TBC1D12: variants seen among roughly 807,000 people sequenced by gnomAD.
TBC1D12 encodes the protein TBC1 domain family, member 12.
Under a neutral mutation model 86.7 loss-of-function variants are expected in TBC1D12, and 56 were observed. The ratio of observed to expected loss-of-function variants is 0.65; its 90% CI spans 0.52 to 0.81. The LOEUF (loss-of-function observed/expected upper bound fraction) is 0.81. TBC1D12 is among the 30% of genes least tolerant of loss of function. The probability of loss-of-function intolerance (pLI) is 0.00; values close to 1 mark genes in which losing one functional copy is unlikely to be tolerated. For synonymous variants in TBC1D12, 421 were observed against 411.7 expected (o/e 1.02, Z -0.27); for missense variants, 1,023 against 1,038.8 (o/e 0.98, Z 0.21).
intron 2 of TBC1D12, among the ~76,000 whole-genome samples, chr10:94,444,714 A>G (rs896101735): frequency 6.6e-6 from 1 of 151,564 alleles, no homozygotes; most frequent in Non-Finnish European, 1.5e-5. Flanking sequence ...CATTTCGGAA[A>G]GCCAAGACCT....
chr10:94,457,949 G>A (rs1356774696), intron 2 of TBC1D12, among the ~76,000 whole-genome samples: 1 of 151,986 alleles, frequency 6.6e-6, no homozygotes, highest in African/African-American at 2.4e-5. Flanking sequence ...AATTCCTTCT[G>A]CCCATCCCTT....
chr10:94,449,469 A>G (rs950693777), intron 2 of TBC1D12, among the ~76,000 whole-genome samples: 1 of 152,156 alleles, frequency 6.6e-6, no homozygotes, highest in African/African-American at 2.4e-5. Flanking sequence ...AAGACATCAT[A>G]ATCAGCTAAA....
intron 11 of TBC1D12, among the ~76,000 whole-genome samples, chr10:94,526,287 T>C (rs986797111): frequency 6.6e-6 from 1 of 152,022 alleles, no homozygotes; most frequent in Non-Finnish European, 1.5e-5. Flanking sequence ...AAAAATTAGC[T>C]GTATGGTACA....
At chr10:94,419,195 A>G (rs1310301407) in intron 1 of TBC1D12, among the ~76,000 whole-genome samples, 1 of 152,140 alleles carries the variant, frequency 6.6e-6, no homozygotes, top group East Asian at 1.9e-4. Flanking sequence ...TTTTGATAGC[A>G]AACACATACA....
intron 2 of TBC1D12, among the ~76,000 whole-genome samples, chr10:94,454,171 T>C (rs1008183411): frequency 1.3e-5 from 2 of 152,184 alleles, no homozygotes; most frequent in African/African-American, 4.8e-5. Context: ...TGATTGGGAT[T>C]GTGTTGAATC....
chr10:94,457,796 T>G (rs1282300913), intron 2 of TBC1D12, among the ~76,000 whole-genome samples: 1 of 152,154 alleles, frequency 6.6e-6, no homozygotes, highest in Non-Finnish European at 1.5e-5. Flanking sequence ...GTTATACTTC[T>G]TTTTTTAAAA....
At position 94,529,501 on chromosome 10, in the gene TBC1D12, A is replaced by C. The variant is rs866778704; in HGVS notation, c.2001-1701A>C. Among the ~76,000 whole-genome samples the C allele has an allele frequency of 3.3e-5, 5 of 152,164 alleles. No individual in the cohort carries two copies. In the South Asian group the frequency reaches 6.2e-4, roughly 19 times the overall value. ...GGCGTGGTGGTCCATACCTGTAGTC[A>C]CAGCTACTCGGGAGGCTGAGGCAGG... On this transcript the variant is annotated intron_variant, in intron 11 of 12. Transcript: ENST00000225235.
At chr10:94,437,357 G>T (rs992492161) in intron 1 of TBC1D12, among the ~76,000 whole-genome samples, 2 of 150,900 alleles carry the variant, frequency 1.3e-5, no homozygotes, top group African/African-American at 2.4e-5. Context: ...ACAGAGTCTC[G>T]CTGTGTCACC....
At chr10:94,412,729 A>T (rs746417601) in intron 1 of TBC1D12, among the ~76,000 whole-genome samples, 33 of 152,224 alleles carry the variant, frequency 2.2e-4, no homozygotes. Flanking sequence ...TACATCTGTT[A>T]TCCATCTCTA....
At position 94,436,852 on chromosome 10, in the gene TBC1D12, C is replaced by T. The variant is rs565322442; in HGVS notation, c.972-5044C>T. Among the ~76,000 whole-genome samples, 6 of 151,170 alleles carry T rather than the reference C, an allele frequency of 4.0e-5. No individual in the cohort carries two copies. The East Asian group carries it at 5.9e-4, about 15-fold the overall frequency. ...CCTCCCGAGTAGCTGGGACTACAGG[C>T]GCGCACCACCACGCACAGCTAATTT... is the stretch of plus-strand genomic sequence containing the variant. On this transcript the variant is annotated intron_variant, in intron 1 of 12. Transcript: ENST00000225235.
intron 1 of TBC1D12, among the ~76,000 whole-genome samples, chr10:94,419,396 C>T (rs139581563): frequency 3.3e-5 from 5 of 152,054 alleles, no homozygotes; most frequent in Non-Finnish European, 5.9e-5. Context: ...CTTAAAAGGC[C>T]GGGTGCGGTG....
intron 2 of TBC1D12, among the ~76,000 whole-genome samples, chr10:94,445,809 G>A (rs2055453693): frequency 6.6e-6 from 1 of 152,042 alleles, no homozygotes; most frequent in Admixed American, 6.5e-5. Context: ...TTAGCTAGGT[G>A]TGGTGGCAGG....
chr10:94,403,702 C>G (rs1039606384), intron 1 of TBC1D12, 118 bp downstream of exon 1: 23 of 1,245,486 alleles, frequency 1.8e-5, no homozygotes, highest in Non-Finnish European at 2.3e-5. Flanking sequence ...CGGCCGCTTC[C>G]GTGCCAGCCC....
chr10:94,535,303 T>A lies in TBC1D12; in HGVS notation c.*2207T>A, dbSNP rs541696574. The A allele has an allele frequency of 6.6e-6, 1 of 152,224 alleles. No homozygotes were observed. The highest frequency in any genetic ancestry group is 1.5e-5 in the Non-Finnish European group (1 of 68,042). The allele number at this position is 152,224 out of a possible 1,614,324, so 9.4% of individuals were successfully genotyped here. ...TTGAACCTAAATCACTTGAGTGTTA[T>A]GAGTGATGGCTATATAACATGCTGT... On this transcript the variant is annotated 3_prime_UTR_variant, in exon 13 of 13. Coordinates refer to ENST00000225235, the MANE Select transcript of TBC1D12 (RefSeq NM_015188.2).
rs1381597302 is a variant in TBC1D12 at position 94,475,743 on chromosome 10, A to G, written c.1211+960A>G. On this transcript the variant is annotated intron_variant, in intron 3 of 12. Transcript: ENST00000225235. The stretch of plus-strand genomic sequence containing the variant: ...TAGCCACCATGCCCAGCCTAAGAGT[A>G]CATTCTTAATGCTCAGCAAAACATC... Among the ~76,000 whole-genome samples the G allele has an allele frequency of 3.3e-5, 5 of 152,292 alleles. No homozygotes were observed. The East Asian group carries it at 9.6e-4, about 29-fold the overall frequency.
intron 2 of TBC1D12, among the ~76,000 whole-genome samples, chr10:94,449,378 G>A (rs2055516545): frequency 1.3e-5 from 2 of 152,208 alleles, no homozygotes; most frequent in African/African-American, 4.8e-5. Flanking sequence ...GCTTTGCCCC[G>A]AGACTGCAAT....
At position 94,535,190 on chromosome 10, in the gene TBC1D12, C is replaced by G. The variant is rs1041990095; in HGVS notation, c.*2094C>G. The G allele has an allele frequency of 2.0e-5, 3 of 152,136 alleles. No individual in the cohort carries two copies. The highest frequency in any genetic ancestry group is 7.2e-5 in the African/African-American group (3 of 41,426). The allele number at this position is 152,136 out of a possible 1,614,324, so 9.4% of individuals were successfully genotyped here. A position where few individuals can be genotyped will look rare whatever the true frequency, so the allele number is the denominator to read the frequency against. On this transcript the variant is annotated 3_prime_UTR_variant, in exon 13 of 13. Transcript: ENST00000225235. ...AGAGACATACATGAGGCAGCGAACA[C>G]ATCTTTAGGTGGGGGCAAGGCTATA...
intron 1 of TBC1D12, among the ~76,000 whole-genome samples, chr10:94,419,562 G>C (rs1015659385): frequency 6.6e-6 from 1 of 151,978 alleles, no homozygotes; most frequent in Non-Finnish European, 1.5e-5. Context: ...CCAGCTTCTC[G>C]GGAGACTGAG....
At chr10:94,513,868 A>AT (rs1422397914) in intron 9 of TBC1D12, among the ~76,000 whole-genome samples, 2 of 152,042 alleles carry the variant, frequency 1.3e-5, no homozygotes, top group Non-Finnish European at 2.9e-5. Flanking sequence ...TGATATTATG[A>AT]TTTTTTTAAA....
Sources: allele counts gnomAD v4.1 joint callset (sites outside exome capture counted in the v4.1 genomes callset), GRCh38; gene constraint gnomAD v4.1.1; transcripts MANE v1.5; gene names NCBI Gene and HGNC (gene_info 2026-07-23, HGNC 2026-07-21).